Variants in ZC3HAV1 observed in about 807,000 individuals in gnomAD.
ZC3HAV1 encodes zinc finger CCCH-type containing, antiviral 1.
Under a neutral mutation model 86.6 loss-of-function variants are expected in ZC3HAV1, and 41 were observed. The ratio of observed to expected loss-of-function variants is 0.47; its 90% CI spans 0.37 to 0.61. ZC3HAV1 has a LOEUF of 0.61. ZC3HAV1 is among the 20% of genes least tolerant of loss of function. The pLI is 0.00. For missense variants in ZC3HAV1, 964 were observed against 1,141.1 expected (o/e 0.84, Z 2.24); for synonymous variants, 421 against 432.1 (o/e 0.97, Z 0.32).
At chr7:139,079,424 T>C in intron 4 of ZC3HAV1, 46 bp downstream of exon 4, 1 of 1,613,882 alleles carries the variant, frequency 6.2e-7, no homozygotes, top group South Asian at 1.1e-5. Context: ...ATTTGGTATA[T>C]CATGAACAAA....
intron 2 of ZC3HAV1, among the ~76,000 whole-genome samples, chr7:139,088,031 C>CA (rs10544425): frequency 0.042 from 2,438 of 57,574 alleles, 87 homozygotes; most frequent in Non-Finnish European, 0.066. Context: ...GATCCTGTCT[C>CA]AAAAAAAAAA....
At chr7:139,107,112 C>T (rs977757837) in intron 1 of ZC3HAV1, among the ~76,000 whole-genome samples, 1 of 152,102 alleles carries the variant, frequency 6.6e-6, no homozygotes, top group East Asian at 1.9e-4. Context: ...CATAACAAAG[C>T]CTTCCAACCA....
rs1006267530 is a variant in ZC3HAV1 at position 139,108,435 on chromosome 7, G to A, written c.308+589C>T. The stretch of plus-strand genomic sequence containing the variant: ...AAGGCCCGCGGCTGCTACAACTTCA[G>A]GAACCTGGAAAAGGGCCACCCCTGC... On this transcript the variant is annotated intron_variant, in intron 1 of 12. Coordinates refer to ENST00000242351, the MANE Select transcript of ZC3HAV1 (RefSeq NM_020119.4). The surrounding 1 kb of genome is among the most constrained non-coding windows in gnomAD (Gnocchi z 4.2). Among the ~76,000 whole-genome samples the A allele has an allele frequency of 1.3e-5, 2 of 152,038 alleles. No homozygotes were observed. The highest frequency in any genetic ancestry group is 2.4e-5 in the African/African-American group (1 of 41,386).
rs1166764057 is a variant in ZC3HAV1 at position 139,097,412 on chromosome 7, A to T, written c.309-7653T>A. The stretch of plus-strand genomic sequence containing the variant: ...AAATATTGGAACTCCATATATATAT[A>T]TATATATATATATATATTTTTTTTT... On this transcript the variant is annotated intron_variant, in intron 1 of 12. Coordinates refer to ENST00000242351, the MANE Select transcript of ZC3HAV1 (RefSeq NM_020119.4). Among the ~76,000 whole-genome samples the T allele has an allele frequency of 1.8e-3, 133 of 74,332 alleles. 4 individuals carry two copies. The highest frequency in any genetic ancestry group is 8.0e-3 in the East Asian group (17 of 2,126). 48.8% of individuals were successfully genotyped at this position (74,332 alleles called of 152,430 possible).
At chr7:139,072,065 C>T (rs961437618) in intron 7 of ZC3HAV1, among the ~76,000 whole-genome samples, 4 of 152,178 alleles carry the variant, frequency 2.6e-5, no homozygotes, top group Admixed American at 6.5e-5. Flanking sequence ...CCCACTGACT[C>T]GTAATTATTA....
At position 139,079,940 on chromosome 7, in the gene ZC3HAV1, C is replaced by T. The variant is rs751959091; in HGVS notation, c.1001G>A (p.Gly334Asp). ...TCCATGCAAGAGGTCCTCTTGACTG[C>T]CGTTCTCTAAAAACCTCTGGCTTGT... is the stretch of plus-strand genomic sequence containing the variant. ...AGTSQRFLEN[G>D]SQEDLLHGNP... Residue 334 changes from glycine (G) to aspartate (D), a missense_variant, in exon 4 of 13, where the codon GGC becomes GAC. By Grantham distance (94) the Gly-to-Asp change is moderately conservative. Transcript: ENST00000242351. 57 of 1,614,048 alleles carry T rather than the reference C, an allele frequency of 3.5e-5. No individual in the cohort carries two copies. The Middle Eastern group carries it at 6.6e-4, about 19-fold the overall frequency.
intron 8 of ZC3HAV1, among the ~76,000 whole-genome samples, chr7:139,063,617 G>A (rs1026485115): frequency 3.3e-5 from 5 of 151,568 alleles, no homozygotes; most frequent in Non-Finnish European, 5.9e-5. Context: ...CCAGTTAGTT[G>A]GGAGGCTGAG....
At chr7:139,057,087 C>G (rs28489997) in intron 9 of ZC3HAV1, among the ~76,000 whole-genome samples, 68,391 of 146,738 alleles carry the variant, frequency 0.47, 16,128 homozygotes, top group African/African-American at 0.62. Context: ...GGTGGCTCAT[C>G]CCTATAATCC....
intron 1 of ZC3HAV1, among the ~76,000 whole-genome samples, chr7:139,103,135 G>A (rs1001283189): frequency 4.0e-5 from 6 of 150,650 alleles, no homozygotes; most frequent in African/African-American, 1.5e-4. Flanking sequence ...AAAATTCCTG[G>A]GATCAAACAA....
chr7:139,092,885 G>T (rs1648022119), intron 1 of ZC3HAV1, among the ~76,000 whole-genome samples: 1 of 152,162 alleles, frequency 6.6e-6, no homozygotes, highest in African/African-American at 2.4e-5. Flanking sequence ...GTCTTGGTCT[G>T]ACCTGCAGCC....
chr7:139,078,434 T>C (rs1194760328), intron 5 of ZC3HAV1, 118 bp downstream of exon 5: 5 of 733,916 alleles, frequency 6.8e-6, no homozygotes, highest in African/African-American at 1.9e-5. Flanking sequence ...TCTGGGTATA[T>C]ATCCAAAAGA....
chr7:139,045,640 G>A lies in ZC3HAV1; in HGVS notation c.*1954C>T, dbSNP rs1815933114. ...TGCTTTTCACTTACATACAGATCCT[G>A]AGAGAGGAACAGGTTCATGTGAGGG... On this transcript the variant is annotated 3_prime_UTR_variant, in exon 13 of 13. Coordinates refer to ENST00000242351, the MANE Select transcript of ZC3HAV1 (RefSeq NM_020119.4). The A allele has an allele frequency of 6.6e-6, 1 of 152,102 alleles. No homozygotes were observed. The highest frequency in any genetic ancestry group is 1.5e-5 in the Non-Finnish European group (1 of 68,042). The allele number at this position is 152,102 out of a possible 1,614,324, so 9.4% of individuals were successfully genotyped here. A position where few individuals can be genotyped will look rare whatever the true frequency, so the allele number is the denominator to read the frequency against.
intron 1 of ZC3HAV1, among the ~76,000 whole-genome samples, chr7:139,096,309 C>T (rs1389551396): frequency 2.0e-5 from 3 of 152,294 alleles, no homozygotes; most frequent in East Asian, 1.9e-4. Flanking sequence ...CCACCGTACC[C>T]GACCACCAAA....
intron 1 of ZC3HAV1, among the ~76,000 whole-genome samples, chr7:139,104,565 G>GA (rs1300739633): frequency 3.3e-5 from 5 of 150,596 alleles, no homozygotes; most frequent in African/African-American, 7.3e-5. Context: ...ATACAAAAAT[G>GA]AAAAAAAATT....
Position 139,079,710 on chromosome 7 carries a change from T to C in ZC3HAV1, c.1231A>G (p.Arg411Gly), listed in dbSNP as rs1817068056. 3 of 1,614,112 alleles carry C rather than the reference T, an allele frequency of 1.9e-6. No homozygotes were observed. Among genetic ancestry groups the C allele is most frequent in the South Asian group, 2.2e-5 (2 of 91,088 alleles). The change falls in exon 4 of 13, where the codon AGG (arginine) becomes GGG (glycine). Residue 411 changes from arginine to glycine, a missense_variant. Coordinates refer to ENST00000242351, the MANE Select transcript of ZC3HAV1 (RefSeq NM_020119.4). Reference protein sequence around the residue: ...KGTGLLSSDYRIINGKSGTQD... With the variant: ...KGTGLLSSDYGIINGKSGTQD... ...GTTCCACTTTTGCCATTGATGATCC[T>C]GTAGTCTGAGGAAAGCAAGCCTGTG...
At chr7:139,058,117 G>A (rs1816339742) in intron 9 of ZC3HAV1, among the ~76,000 whole-genome samples, 1 of 151,850 alleles carries the variant, frequency 6.6e-6, no homozygotes, top group East Asian at 1.9e-4. Context: ...TTGGGCTAGT[G>A]AGAGCAGGAT....
At chr7:139,087,469 G>A (rs1453870844) in intron 2 of ZC3HAV1, among the ~76,000 whole-genome samples, 1 of 151,806 alleles carries the variant, frequency 6.6e-6, no homozygotes, top group Non-Finnish European at 1.5e-5. Flanking sequence ...GAGAGAGGGA[G>A]ACAGAGAGAG....
chr7:139,072,593 CTA>C, intron 7 of ZC3HAV1, among the ~76,000 whole-genome samples: 1 of 152,120 alleles, frequency 6.6e-6, no homozygotes. Flanking sequence ...CTCTTTAATC[CTA>C]TGAGTTAAAG....
rs541251294 is a variant in ZC3HAV1 at position 139,108,090 on chromosome 7, C to T, written c.308+934G>A. The stretch of plus-strand genomic sequence containing the variant: ...GATGAGTTTGACTCCATGGACAGGA[C>T]ACACGCGGGAGAGGAAGGGCTTGGG... On this transcript the variant is annotated intron_variant, in intron 1 of 12. Transcript: ENST00000242351. The surrounding 1 kb of genome is among the most constrained non-coding windows in gnomAD (Gnocchi z 4.2). Among the ~76,000 whole-genome samples, 1 of 152,214 alleles carries T rather than the reference C, an allele frequency of 6.6e-6. No individual in the cohort carries two copies. Among genetic ancestry groups the T allele is most frequent in the Admixed American group, 6.5e-5 (1 of 15,286 alleles).
Sources: allele counts gnomAD v4.1 joint callset (sites outside exome capture counted in the v4.1 genomes callset), GRCh38; gene constraint gnomAD v4.1.1; non-coding constraint Gnocchi (gnomAD v3.1); transcripts MANE v1.5; gene names NCBI Gene and HGNC (gene_info 2026-07-23, HGNC 2026-07-21).